Variants in ARL15 observed in about 807,000 individuals in gnomAD.
The protein encoded by ARL15 is ARF like GTPase 15.
A neutral mutation model predicts 25.2 loss-of-function variants in ARL15; 19 were observed. That is an observed-to-expected ratio of 0.75 (90% confidence interval 0.53 to 1.10). ARL15 has a LOEUF of 1.10. Among genes scored for constraint, ARL15 ranks in the 50% least tolerant of loss-of-function variants. The pLI, the probability that ARL15 is intolerant of heterozygous loss-of-function variation, is 0.00. For missense variants in ARL15, 220 were observed against 246.0 expected (o/e 0.89, Z 0.71); for synonymous variants, 94 against 86.8 (o/e 1.08, Z -0.46).
At chr5:54,035,728 CAG>C (rs1166425033) in intron 4 of ARL15, among the ~76,000 whole-genome samples, 1 of 151,910 alleles carries the variant, frequency 6.6e-6, no homozygotes, top group Non-Finnish European at 1.5e-5. Context: ...ATTTCCAATA[CAG>C]AGTCTATTTC....
chr5:54,028,685 C>T (rs1200814586), intron 4 of ARL15, among the ~76,000 whole-genome samples: 1 of 152,128 alleles, frequency 6.6e-6, no homozygotes, highest in Non-Finnish European at 1.5e-5. Context: ...ATGAATGTCT[C>T]TCTCTGAATA....
chr5:54,156,004 A>G (rs774430859), intron 2 of ARL15, among the ~76,000 whole-genome samples: 13 of 152,220 alleles, frequency 8.5e-5, no homozygotes, highest in Admixed American at 1.3e-4. Context: ...GAATTTATCA[A>G]CAAAGAAGAC....
At chr5:54,270,901 A>G (rs1172350361) in intron 1 of ARL15, among the ~76,000 whole-genome samples, 2 of 152,168 alleles carry the variant, frequency 1.3e-5, no homozygotes, top group Non-Finnish European at 2.9e-5. Context: ...TCCACCCTCA[A>G]TGTGGGCAGG....
intron 4 of ARL15, among the ~76,000 whole-genome samples, chr5:54,022,539 C>T (rs1452177640): frequency 6.6e-6 from 1 of 152,106 alleles, no homozygotes; most frequent in Non-Finnish European, 1.5e-5. Context: ...ACCACCTATT[C>T]TGAAGATTGC....
chr5:53,978,715 A>G (rs981526821), intron 4 of ARL15, among the ~76,000 whole-genome samples: 3 of 151,990 alleles, frequency 2.0e-5, no homozygotes, highest in African/African-American at 4.8e-5. Context: ...AGAAACGTTC[A>G]TATAAGAATA....
chr5:54,141,884 T>C (rs1388739485), intron 3 of ARL15, among the ~76,000 whole-genome samples: 6 of 152,238 alleles, frequency 3.9e-5, no homozygotes, highest in African/African-American at 1.4e-4. Context: ...ATCCATGTTG[T>C]TGCATGTATC....
intron 2 of ARL15, among the ~76,000 whole-genome samples, chr5:54,167,078 TTA>T (rs1446943511): frequency 6.6e-6 from 1 of 152,104 alleles, no homozygotes; most frequent in Non-Finnish European, 1.5e-5. Flanking sequence ...TCCTTGTGAG[TTA>T]TAAGTTTTTC....
intron 4 of ARL15, among the ~76,000 whole-genome samples, chr5:53,966,471 T>C (rs940307833): frequency 1.3e-5 from 2 of 152,118 alleles, no homozygotes; most frequent in Non-Finnish European, 2.9e-5. Flanking sequence ...GAACCAAAAG[T>C]GGGAGTTGTG....
intron 4 of ARL15, among the ~76,000 whole-genome samples, chr5:54,031,680 A>G (rs6877674): frequency 0.043 from 6,556 of 152,248 alleles, 483 homozygotes; most frequent in African/African-American, 0.15. Flanking sequence ...ATTCCAAAAT[A>G]TACCACCATT....
At chr5:54,241,485 T>C (rs867912558) in intron 1 of ARL15, among the ~76,000 whole-genome samples, 87 of 152,210 alleles carry the variant, frequency 5.7e-4, no homozygotes, top group African/African-American at 2.0e-3. Context: ...TAGTTACTCA[T>C]AGGTTCTTTT....
chr5:54,110,128 G>A (rs1474394652), intron 4 of ARL15, among the ~76,000 whole-genome samples: 1 of 151,920 alleles, frequency 6.6e-6, no homozygotes, highest in Non-Finnish European at 1.5e-5. Context: ...CTCTCTCTGT[G>A]GGTTACATAG....
intron 3 of ARL15, among the ~76,000 whole-genome samples, chr5:54,147,256 T>G (rs1265809079): frequency 1.3e-5 from 2 of 152,100 alleles, no homozygotes; most frequent in African/African-American, 4.8e-5. Context: ...TTGCGGTCAT[T>G]CAGTATTACA....
At chr5:54,135,894 G>C (rs1161630882) in intron 3 of ARL15, among the ~76,000 whole-genome samples, 1 of 152,174 alleles carries the variant, frequency 6.6e-6, no homozygotes, top group Non-Finnish European at 1.5e-5. Context: ...CAACTTTCCT[G>C]ACACTGCTTC....
At chr5:54,279,743 G>T (rs1758007964) in intron 1 of ARL15, among the ~76,000 whole-genome samples, 1 of 152,170 alleles carries the variant, frequency 6.6e-6, no homozygotes, top group Non-Finnish European at 1.5e-5. Flanking sequence ...CACCTGTTAG[G>T]TCTCAGGCCC....
At chr5:54,104,976 C>A (rs1489089652) in intron 4 of ARL15, among the ~76,000 whole-genome samples, 1 of 151,720 alleles carries the variant, frequency 6.6e-6, no homozygotes, top group African/African-American at 2.4e-5. Context: ...ACAGATTAAC[C>A]CTTCTCATTA....
intron 4 of ARL15, among the ~76,000 whole-genome samples, chr5:54,062,880 C>G (rs560795387): frequency 7.1e-4 from 108 of 152,240 alleles, no homozygotes; most frequent in Admixed American, 2.2e-3. Context: ...AATAAAATGG[C>G]TAGTGGAGGA....
intron 1 of ARL15, among the ~76,000 whole-genome samples, chr5:54,186,904 C>T (rs1441101039): frequency 4.1e-5 from 6 of 147,528 alleles, no homozygotes; most frequent in African/African-American, 7.6e-5. Flanking sequence ...ACAAAGCACT[C>T]ACTCTATCAA....
At chr5:54,287,110 GC>G (rs1758201138) in intron 1 of ARL15, among the ~76,000 whole-genome samples, 1 of 151,878 alleles carries the variant, frequency 6.6e-6, no homozygotes, top group African/African-American at 2.4e-5. Context: ...AAACTCCTGG[GC>G]TCCAGTGATC....
chr5:54,054,977 T>A (rs1477480001), intron 4 of ARL15, among the ~76,000 whole-genome samples: 2 of 152,144 alleles, frequency 1.3e-5, no homozygotes, highest in Admixed American at 6.5e-5. Flanking sequence ...TTTATTTTTT[T>A]AAAAAGGCAT....
Sources: allele counts gnomAD v4.1 joint callset (sites outside exome capture counted in the v4.1 genomes callset), GRCh38; gene constraint gnomAD v4.1.1; transcripts MANE v1.5; gene names NCBI Gene and HGNC (gene_info 2026-07-23, HGNC 2026-07-21).